Variants in SELENOK observed in about 807,000 individuals in gnomAD.
The protein encoded by SELENOK is selenoprotein K.
A neutral mutation model predicts 17.3 loss-of-function variants in SELENOK; 11 were observed. That is an observed-to-expected ratio of 0.63 (90% CI 0.40 to 1.05). SELENOK has a LOEUF of 1.05. Ranked by LOEUF, SELENOK falls within the 50% of genes least tolerant of loss-of-function variation. The pLI is 0.00. For missense variants in SELENOK, 125 were observed against 113.9 expected (o/e 1.10, Z -0.44); for synonymous variants, 45 against 35.4 (o/e 1.27, Z -0.97).
intron 3 of SELENOK, among the ~76,000 whole-genome samples, chr3:53,886,589 A>C (rs1347254287): frequency 6.6e-6 from 1 of 152,254 alleles, no homozygotes; most frequent in Admixed American, 6.5e-5. Flanking sequence ...TGAAATCTTT[A>C]GATTTTAATG....
In SELENOK at chr3:53,885,544, C is replaced by T. The variant is rs375530231; in HGVS notation, c.*14G>A. 65 of 1,608,978 alleles carry T rather than the reference C, an allele frequency of 4.0e-5. No individual in the cohort carries two copies. In the African/African-American group the frequency reaches 6.6e-4, roughly 16 times the overall value. On this transcript the variant is annotated 3_prime_UTR_variant, in exon 5 of 5. Coordinates refer to ENST00000495461, the MANE Select transcript of SELENOK (RefSeq NM_021237.5). ...AATGCGCATGTCCGGTTGTCTGCTT[C>T]TTAGAGCAGACATTTACCTGAAAGA...
chr3:53,889,693 A>C (rs1165796662), intron 1 of SELENOK, among the ~76,000 whole-genome samples: 6 of 152,218 alleles, frequency 3.9e-5, no homozygotes, highest in Admixed American at 3.9e-4. Context: ...TTTCATTTGC[A>C]AAGTCTCTTG....
chr3:53,885,388 C>A lies in SELENOK; in HGVS notation c.*170G>T, dbSNP rs890599934. The A allele has an allele frequency of 4.7e-6, 3 of 644,512 alleles. No homozygotes were observed. Among genetic ancestry groups the A allele is most frequent in the East Asian group, 2.7e-5 (1 of 36,870 alleles). 39.9% of individuals were successfully genotyped at this position (644,512 alleles called of 1,614,324 possible). ...ACTGCATGTCAGTCAGGCCAGTTCC[C>A]TGCAGAGGGAATTCCCAGCATGACC... On this transcript the variant is annotated 3_prime_UTR_variant, in exon 5 of 5. Transcript: ENST00000495461.
chr3:53,889,362 T>C (rs1700151237), intron 1 of SELENOK, among the ~76,000 whole-genome samples: 1 of 152,236 alleles, frequency 6.6e-6, no homozygotes, highest in Admixed American at 6.5e-5. Flanking sequence ...AGAAGAATAA[T>C]ACAATTTCTA....
At position 53,886,857 on chromosome 3, in the gene SELENOK, C is replaced by T; in HGVS notation, c.188G>A (p.Gly63Glu). ...TCAATTTAAAAAGCTGTACCCTCTT[C>T]CATCATCATATCTGGAATCAGATGA... ...GNSSDSRYDD[G>E]RGPPGNPPRR... The change falls in exon 3 of 5, where the codon GGA (glycine) becomes GAA (glutamate). Residue 63 changes from glycine to glutamate, a missense_variant. Physicochemically the swap from Gly to Glu is moderately conservative, Grantham distance 98 (BLOSUM62 -2). Coordinates refer to ENST00000495461, the MANE Select transcript of SELENOK (RefSeq NM_021237.5). 1 of 1,555,312 alleles carries T rather than the reference C, an allele frequency of 6.4e-7. No homozygotes were observed.
At position 53,891,652 on chromosome 3, in the gene SELENOK, G is replaced by A. The variant is rs994482514; in HGVS notation, c.19+118C>T. On this transcript the variant is annotated intron_variant, in intron 1 of 4. Transcript: ENST00000495461. ...CTTCGGTCCAGCTCCGCCCGGCCGCGGGGCGCTAAGCCCGGGGAAGCCGCA... is the reference window on the plus strand; with the variant it reads ...CTTCGGTCCAGCTCCGCCCGGCCGCAGGGCGCTAAGCCCGGGGAAGCCGCA... 1.1e-4 allele frequency: 156 copies of A among 1,362,176 alleles called. 3 individuals carry two copies. The South Asian group carries it at 1.8e-3, about 16-fold the overall frequency. The allele number at this position is 1,362,176 out of a possible 1,614,324, so 84.4% of individuals were successfully genotyped here. A position where few individuals can be genotyped will look rare whatever the true frequency, so the allele number is the denominator to read the frequency against.
At position 53,885,357 on chromosome 3, in the gene SELENOK, T is replaced by C; in HGVS notation, c.*201A>G. The C allele has an allele frequency of 2.0e-6, 1 of 494,894 alleles. No individual in the cohort carries two copies. The highest frequency in any genetic ancestry group is 3.6e-5 in the South Asian group (1 of 28,014). 30.7% of individuals were successfully genotyped at this position (494,894 alleles called of 1,614,324 possible). On this transcript the variant is annotated 3_prime_UTR_variant, in exon 5 of 5. Transcript: ENST00000495461. The stretch of plus-strand genomic sequence containing the variant: ...AGGTAATGAGACAAACATCTGCATT[T>C]ATGGAACTGCATGTCAGTCAGGCCA...
chr3:53,887,322 G>A (rs1001312325), intron 2 of SELENOK, among the ~76,000 whole-genome samples: 1 of 152,200 alleles, frequency 6.6e-6, no homozygotes, highest in African/African-American at 2.4e-5. Context: ...CAAAGGCACA[G>A]GGCTTCTGGG....
chr3:53,889,622 C>T (rs911483275), intron 1 of SELENOK, among the ~76,000 whole-genome samples: 6 of 152,214 alleles, frequency 3.9e-5, no homozygotes, highest in East Asian at 1.9e-4. Flanking sequence ...ACAAATGGGA[C>T]GGGTGAATAT....
chr3:53,886,810 A>T, intron 3 of SELENOK, 41 bp downstream of exon 3: 1 of 1,259,354 alleles, frequency 7.9e-7, no homozygotes, highest in Non-Finnish European at 1.1e-6. Context: ...AAAGGTATAC[A>T]AAGACATAAA....
rs1700126345 is a variant in SELENOK at position 53,886,379 on chromosome 3, G to A, written c.195-467C>T. 2.0e-5 allele frequency among the ~76,000 whole-genome samples: 3 copies of A among 152,260 alleles called. No individual in the cohort carries two copies. In the South Asian group the frequency reaches 6.2e-4, roughly 32 times the overall value. On this transcript the variant is annotated intron_variant, in intron 3 of 4. Transcript: ENST00000495461. ...AGCCTCCTGAGTAGCTGGGACTACA[G>A]GCGCATACCACCACACCCAGCTAAT...
intron 1 of SELENOK, 90 bp downstream of exon 1, chr3:53,891,680 G>T (rs1034813661): frequency 6.5e-7 from 1 of 1,542,274 alleles, no homozygotes; most frequent in African/African-American, 1.4e-5. Flanking sequence ...AAGCCGCACC[G>T]GGCTCAAGAC....
intron 1 of SELENOK, among the ~76,000 whole-genome samples, chr3:53,889,268 C>T (rs1272267663): frequency 6.6e-6 from 1 of 152,122 alleles, no homozygotes; most frequent in Non-Finnish European, 1.5e-5. Context: ...ACCCTGATTC[C>T]CATTACCTTC....
At chr3:53,888,133 C>T (rs1700139933) in intron 2 of SELENOK, 1 of 294,002 alleles carries the variant, frequency 3.4e-6, no homozygotes. Context: ...ACGGACCCAG[C>T]CATAGGTTGA....
chr3:53,891,154 T>G (rs1700165817), intron 1 of SELENOK: 1 of 152,280 alleles, frequency 6.6e-6, no homozygotes, highest in South Asian at 2.0e-4. Flanking sequence ...AAAAAGCCTA[T>G]GCAAAGCTTT....
At chr3:53,886,341 A>G (rs141481783) in intron 3 of SELENOK, among the ~76,000 whole-genome samples, 2,649 of 152,198 alleles carry the variant, frequency 0.017, 67 homozygotes, top group African/African-American at 0.06. Flanking sequence ...GGTTCAAACA[A>G]TTCTCCTGCC....
intron 2 of SELENOK, 56 bp downstream of exon 2, chr3:53,888,337 T>A: frequency 9.3e-7 from 1 of 1,072,854 alleles, no homozygotes; most frequent in South Asian, 1.3e-5. Flanking sequence ...ATAATGCACA[T>A]GATGTATACC....
chr3:53,890,913 C>A (rs973200347), intron 1 of SELENOK: 1 of 152,230 alleles, frequency 6.6e-6, no homozygotes, highest in African/African-American at 2.4e-5. Flanking sequence ...AAGACTGTAC[C>A]AAAGAATTTC....
At chr3:53,891,723 C>G (rs1700170381) in intron 1 of SELENOK, 47 bp downstream of exon 1, 1 of 1,611,712 alleles carries the variant, frequency 6.2e-7, no homozygotes, top group Non-Finnish European at 8.5e-7. Flanking sequence ...ACCTGGAGTC[C>G]GATCTTACAA....
Sources: gnomAD v4.1 joint callset for allele counts (sites outside exome capture counted in the v4.1 genomes callset) on GRCh38, gnomAD v4.1.1 for gene constraint, MANE v1.5 for transcripts, NCBI Gene and HGNC (gene_info 2026-07-23, HGNC 2026-07-21) for gene names.